The following GPHN variants were observed in gnomAD, a reference collection of about 807,000 sequenced individuals.
The protein encoded by GPHN is gephyrin.
GPHN carries 17 observed loss-of-function variants against 95.5 expected under a neutral mutation model. The observed-to-expected ratio is 0.18, with a 90% CI of 0.12 to 0.27. The LOEUF (loss-of-function observed/expected upper bound fraction) is 0.27, where lower values mean the gene tolerates loss of function less well. Ranked by LOEUF, GPHN falls within the 10% of genes least tolerant of loss-of-function variation. GPHN has a pLI of 1.00. For synonymous variants in GPHN, 320 were observed against 322.5 expected, an observed-to-expected ratio of 0.99 and a Z score of 0.08; for missense variants, 660 against 978.1, an observed-to-expected ratio of 0.67 and a Z score of 4.34.
intron 2 of GPHN, among the ~76,000 whole-genome samples, chr14:66,752,520 G>A (rs766246672): frequency 6.6e-6 from 1 of 152,072 alleles, no homozygotes; most frequent in African/African-American, 2.4e-5. Context: ...AAAATGGCCA[G>A]CTGGTCGAGC....
At chr14:66,818,651 G>C (rs1051843177) in intron 3 of GPHN, among the ~76,000 whole-genome samples, 1 of 152,038 alleles carries the variant, frequency 6.6e-6, no homozygotes, top group Non-Finnish European at 1.5e-5. Flanking sequence ...TGGTATTTCT[G>C]TCTGTAGGTC....
At chr14:66,625,787 A>T (rs1442676621) in intron 1 of GPHN, among the ~76,000 whole-genome samples, 1 of 151,930 alleles carries the variant, frequency 6.6e-6, no homozygotes, top group Admixed American at 6.6e-5. Context: ...GTTTAGTTTA[A>T]TCTGTGCTAT....
chr14:67,365,246 C>G, the GPHN span, among the ~76,000 whole-genome samples: 3 of 152,098 alleles, frequency 2.0e-5, no homozygotes, highest in African/African-American at 7.2e-5. Flanking sequence ...AATTTTATTT[C>G]TAGTGTTTAT....
the GPHN span, among the ~76,000 whole-genome samples, chr14:67,552,754 A>C: frequency 7.1e-6 from 1 of 141,562 alleles, no homozygotes; most frequent in African/African-American, 2.6e-5. Flanking sequence ...GCGACAGAGC[A>C]AGACTCTGTC....
chr14:66,769,791 T>C (rs2059098459), intron 2 of GPHN, among the ~76,000 whole-genome samples: 1 of 152,180 alleles, frequency 6.6e-6, no homozygotes, highest in East Asian at 1.9e-4. Flanking sequence ...GATGAACATA[T>C]ACGTTGCATG....
chr14:67,651,229 G>T, the GPHN span: 2 of 1,441,308 alleles, frequency 1.4e-6, no homozygotes, highest in African/African-American at 2.8e-5. Flanking sequence ...CATTTAAGTG[G>T]TTTTTCATCT....
intron 9 of GPHN, among the ~76,000 whole-genome samples, chr14:66,988,635 A>G (rs1446291103): frequency 6.6e-6 from 1 of 152,072 alleles, no homozygotes; most frequent in Non-Finnish European, 1.5e-5. Context: ...TACTTGAGCT[A>G]AAGTCTAATA....
intron 1 of GPHN, among the ~76,000 whole-genome samples, chr14:66,547,664 C>G (rs1176056798): frequency 3.3e-5 from 5 of 152,138 alleles, no homozygotes; most frequent in African/African-American, 1.2e-4. Flanking sequence ...TGTACAAGGT[C>G]AAACAGTAAG....
chr14:67,690,435 C>A, the GPHN span: 1 of 1,611,520 alleles, frequency 6.2e-7, no homozygotes, highest in South Asian at 1.1e-5. Context: ...TTGAGAAATA[C>A]TAGAATTAAT....
the GPHN span, among the ~76,000 whole-genome samples, chr14:67,240,550 T>C: frequency 1.3e-5 from 2 of 152,200 alleles, no homozygotes; most frequent in South Asian, 4.1e-4. Flanking sequence ...AAATGTGGAA[T>C]GGGCTTGCTC....
intron 2 of GPHN, among the ~76,000 whole-genome samples, chr14:66,767,016 T>C (rs529447048): frequency 1.4e-4 from 22 of 152,212 alleles, no homozygotes; most frequent in African/African-American, 5.3e-4. Context: ...AATCCTCTCC[T>C]CAAATTCCAC....
the GPHN span, among the ~76,000 whole-genome samples, chr14:67,606,629 T>TTTG: frequency 1.3e-5 from 2 of 152,092 alleles, no homozygotes; most frequent in African/African-American, 4.8e-5. Flanking sequence ...AGCCCTGGTT[T>TTTG]TTGTTGTTGT....
chr14:66,831,867 C>T (rs965630483), intron 4 of GPHN, among the ~76,000 whole-genome samples: 1 of 152,140 alleles, frequency 6.6e-6, no homozygotes, highest in Non-Finnish European at 1.5e-5. Context: ...CCATATGAGG[C>T]CAGGTGTGGT....
chr14:67,653,584 AGGGATATATG>A, the GPHN span: 1 of 1,213,528 alleles, frequency 8.2e-7, no homozygotes, highest in South Asian at 1.3e-5. Context: ...GTAGGCATTA[AGGGATATATG>A]TTGAAAAATT....
the GPHN span, among the ~76,000 whole-genome samples, chr14:67,469,852 G>A: frequency 6.6e-6 from 1 of 152,258 alleles, no homozygotes; most frequent in African/African-American, 2.4e-5. Flanking sequence ...CATGTCTTTG[G>A]GGGTACCCTC....
At chr14:67,391,714 C>T in the GPHN span, among the ~76,000 whole-genome samples, 1 of 152,188 alleles carries the variant, frequency 6.6e-6, no homozygotes, top group Non-Finnish European at 1.5e-5. Context: ...TGATTTTGTT[C>T]ACAGAATACC....
At chr14:66,962,409 A>T (rs889180658) in intron 8 of GPHN, among the ~76,000 whole-genome samples, 3 of 151,266 alleles carry the variant, frequency 2.0e-5, no homozygotes, top group Admixed American at 2.0e-4. Flanking sequence ...ATGTTTACTG[A>T]TATTAACTGG....
chr14:67,598,481 T>C, the GPHN span, among the ~76,000 whole-genome samples: 648 of 152,156 alleles, frequency 4.3e-3, 3 homozygotes, highest in African/African-American at 0.015. Context: ...GGATAAGTCA[T>C]TGCTCTTTGT....
the GPHN span, among the ~76,000 whole-genome samples, chr14:67,272,319 C>T: frequency 6.6e-6 from 1 of 152,294 alleles, no homozygotes; most frequent in Non-Finnish European, 1.5e-5. Flanking sequence ...CTTTCATCTT[C>T]CCACCTTTGG....
Sources: allele counts gnomAD v4.1 joint callset (sites outside exome capture counted in the v4.1 genomes callset), GRCh38; gene constraint gnomAD v4.1.1; transcripts MANE v1.5; gene names NCBI Gene and HGNC (gene_info 2026-07-23, HGNC 2026-07-21).